Variants in LRRC40 observed in about 807,000 individuals in gnomAD.
LRRC40 encodes leucine rich repeat containing 40.
A neutral mutation model predicts 72.8 loss-of-function variants in LRRC40; 76 were observed. The ratio of observed to expected loss-of-function variants is 1.04; its 90% CI spans 0.87 to 1.26. The LOEUF (loss-of-function observed/expected upper bound fraction) is 1.26, where lower values mean the gene tolerates loss of function less well. LRRC40 is among the 50% of genes most tolerant of loss of function. The pLI is 0.00. For synonymous variants in LRRC40, 243 were observed against 254.2 expected (o/e 0.96, Z 0.42); for missense variants, 684 against 698.9 (o/e 0.98, Z 0.24).
In LRRC40 at chr1:70,204,708, C is replaced by A. The variant is rs1032119947; in HGVS notation, c.151+682G>T. Among the ~76,000 whole-genome samples the A allele has an allele frequency of 3.3e-5, 5 of 150,348 alleles. No individual in the cohort carries two copies. The Admixed American group carries it at 3.3e-4, about 10-fold the overall frequency. ...GGAAAAATGCTCTATTTCTCCATCTCTCCATTCCCCTCCCTCTCTCTCTTA... is the reference window on the plus strand; with the variant it reads ...GGAAAAATGCTCTATTTCTCCATCTATCCATTCCCCTCCCTCTCTCTCTTA... On this transcript the variant is annotated intron_variant, in intron 1 of 14. Transcript: ENST00000370952.
At chr1:70,157,093 T>C (rs1667654165) in intron 10 of LRRC40, among the ~76,000 whole-genome samples, 1 of 152,154 alleles carries the variant, frequency 6.6e-6, no homozygotes, top group Admixed American at 6.5e-5. Flanking sequence ...GCCAAATGAA[T>C]GACTATGAAC....
intron 9 of LRRC40, among the ~76,000 whole-genome samples, chr1:70,162,122 T>G (rs1295254053): frequency 6.6e-6 from 1 of 152,076 alleles, no homozygotes; most frequent in Non-Finnish European, 1.5e-5. Flanking sequence ...AACGTTTGAT[T>G]TTATTATCCT....
chr1:70,161,477 G>A (rs1319558182), intron 9 of LRRC40, among the ~76,000 whole-genome samples: 5 of 151,028 alleles, frequency 3.3e-5, no homozygotes, highest in African/African-American at 7.3e-5. Flanking sequence ...GTGTGAAGCC[G>A]GGAGGCGGAG....
chr1:70,184,826 T>C lies in LRRC40; in HGVS notation c.496A>G (p.Ile166Val), dbSNP rs370398521. 45 of 1,611,360 alleles carry C rather than the reference T, an allele frequency of 2.8e-5. No homozygotes were observed. In the East Asian group the frequency reaches 6.5e-4, roughly 23 times the overall value. The stretch of plus-strand genomic sequence containing the variant: ...GAAAGTTGTTCAAATCCCTCTGATA[T>C]GCAGGTTAATTCATTATGCTGGAGA... ...LYLQHNELTC[I>V]SEGFEQLSNL... The change falls in exon 4 of 15, where the codon ATA (isoleucine) becomes GTA (valine). Residue 166 changes from isoleucine to valine, a missense_variant. By Grantham distance (29) the Ile-to-Val change is conservative. Coordinates refer to ENST00000370952, the MANE Select transcript of LRRC40 (RefSeq NM_017768.5).
intron 4 of LRRC40, among the ~76,000 whole-genome samples, chr1:70,182,119 C>T (rs74085998): frequency 0.18 from 27,345 of 151,798 alleles, 2,704 homozygotes; most frequent in East Asian, 0.38. Context: ...TGGATCAAAT[C>T]TTTTTTTAAA....
At chr1:70,174,755 G>T (rs1452031253) in intron 7 of LRRC40, among the ~76,000 whole-genome samples, 3 of 152,062 alleles carry the variant, frequency 2.0e-5, no homozygotes, top group Non-Finnish European at 4.4e-5. Flanking sequence ...GCACATTAGT[G>T]GTTGCCAGGG....
intron 13 of LRRC40, 132 bp from the exon 14 acceptor site, chr1:70,148,804 C>T (rs1667386463): frequency 2.1e-6 from 1 of 481,842 alleles, no homozygotes; most frequent in Non-Finnish European, 3.5e-6. Context: ...GCATTAAGTC[C>T]TGTATTTGAA....
intron 11 of LRRC40, among the ~76,000 whole-genome samples, chr1:70,154,554 A>C (rs1355605653): frequency 2.0e-5 from 3 of 152,224 alleles, no homozygotes; most frequent in Non-Finnish European, 4.4e-5. Context: ...GATGGATTAG[A>C]GATCCCTTTT....
rs1668444140 is a variant in LRRC40, at chr1:70,189,417, T to C, written c.152-144A>G. 4 of 655,782 alleles carry C rather than the reference T, an allele frequency of 6.1e-6. No individual in the cohort carries two copies. In the Admixed American group the frequency reaches 9.7e-5, roughly 16 times the overall value. The allele number at this position is 655,782 out of a possible 1,614,324, so 40.6% of individuals were successfully genotyped here. On this transcript the variant is annotated intron_variant, in intron 1 of 14. Transcript: ENST00000370952. ...TTTCTAAAACAAAAAATAAGTTAAA[T>C]AGCAATAAATATAACTAGAGTGAAA...
At chr1:70,184,979 A>G in intron 3 of LRRC40, 65 bp from the exon 4 acceptor site, 1 of 1,370,908 alleles carries the variant, frequency 7.3e-7, no homozygotes, top group African/African-American at 1.5e-5. Context: ...TATCAAAGAC[A>G]TTTCTTGCTA....
intron 11 of LRRC40, among the ~76,000 whole-genome samples, chr1:70,152,916 C>T (rs1226602581): frequency 6.6e-6 from 1 of 152,164 alleles, no homozygotes; most frequent in Non-Finnish European, 1.5e-5. Flanking sequence ...GTTAAACAGA[C>T]ATCCTGTAAC....
Position 70,152,381 on chromosome 1 carries a change from C to A in LRRC40, c.1439+52G>T. On this transcript the variant is annotated intron_variant, in intron 12 of 14. Coordinates refer to ENST00000370952, the MANE Select transcript of LRRC40 (RefSeq NM_017768.5). Reference sequence around the variant, plus strand: ...TAAAAAGAATAAGTTAGACAAAACTCAAAGACAAGTTATAACTTTTTAAAA... The same window carrying A: ...TAAAAAGAATAAGTTAGACAAAACTAAAAGACAAGTTATAACTTTTTAAAA... The A allele has an allele frequency of 4.2e-6, 4 of 947,852 alleles. No homozygotes were observed. In the South Asian group the frequency reaches 4.4e-5, roughly 10 times the overall value. The allele number at this position is 947,852 out of a possible 1,614,324, so 58.7% of individuals were successfully genotyped here.
At chr1:70,173,013 C>T (rs965899668) in intron 9 of LRRC40, among the ~76,000 whole-genome samples, 1 of 151,832 alleles carries the variant, frequency 6.6e-6, no homozygotes, top group Non-Finnish European at 1.5e-5. Flanking sequence ...ACTTTTGGTA[C>T]ATGTTCTTGC....
At chr1:70,199,767 T>C (rs936961830) in intron 1 of LRRC40, among the ~76,000 whole-genome samples, 1 of 152,214 alleles carries the variant, frequency 6.6e-6, no homozygotes, top group Non-Finnish European at 1.5e-5. Context: ...AGTAAGCTAT[T>C]AGTAGTTAAG....
intron 9 of LRRC40, among the ~76,000 whole-genome samples, chr1:70,172,790 TA>T (rs1668025449): frequency 6.6e-6 from 1 of 152,142 alleles, no homozygotes; most frequent in Non-Finnish European, 1.5e-5. Context: ...TAAGCTAAGC[TA>T]TGCATAACCA....
chr1:70,204,386 T>C (rs1226806857), intron 1 of LRRC40, among the ~76,000 whole-genome samples: 1 of 152,142 alleles, frequency 6.6e-6, no homozygotes, highest in Non-Finnish European at 1.5e-5. Context: ...ATTAAACAGG[T>C]AAGAGAACAG....
chr1:70,150,599 T>C (rs1667454517), intron 13 of LRRC40, among the ~76,000 whole-genome samples: 1 of 152,248 alleles, frequency 6.6e-6, no homozygotes, highest in African/African-American at 2.4e-5. Flanking sequence ...GTCTGGCTAC[T>C]GCTTACTTGC....
At chr1:70,150,049 GTAGCTGGGTT>G (rs1352830356) in intron 13 of LRRC40, among the ~76,000 whole-genome samples, 1 of 152,038 alleles carries the variant, frequency 6.6e-6, no homozygotes, top group Non-Finnish European at 1.5e-5. Flanking sequence ...AGCCTCCTGA[GTAGCTGGGTT>G]TACAGGCCAC....
intron 9 of LRRC40, among the ~76,000 whole-genome samples, chr1:70,165,242 G>C (rs3753818): frequency 0.19 from 28,428 of 152,098 alleles, 2,963 homozygotes; most frequent in East Asian, 0.41. Context: ...CTCTTCCTAG[G>C]AAAAGGTAAA....
Sources: allele counts gnomAD v4.1 joint callset (sites outside exome capture counted in the v4.1 genomes callset), GRCh38; gene constraint gnomAD v4.1.1; transcripts MANE v1.5; gene names NCBI Gene and HGNC (gene_info 2026-07-23, HGNC 2026-07-21).